Variants in ZSWIM6 observed in about 807,000 individuals in gnomAD.
ZSWIM6 encodes zinc finger SWIM domain-containing protein 6.
In ZSWIM6, 9 loss-of-function variants were observed where a neutral mutation model predicts 113.2. The observed-to-expected ratio is 0.08, with a 90% CI of 0.05 to 0.14. ZSWIM6 has a LOEUF of 0.14. Among genes scored for constraint, ZSWIM6 ranks in the 10% least tolerant of loss-of-function variants. The pLI is 1.00. For missense variants in ZSWIM6, 1,162 were observed against 1,552.2 expected (o/e 0.75, Z 4.22); for synonymous variants, 611 against 606.5 (o/e 1.01, Z -0.11).
intron 1 of ZSWIM6, among the ~76,000 whole-genome samples, chr5:61,462,280 A>G (rs769633391): frequency 6.6e-5 from 10 of 152,240 alleles, no homozygotes; most frequent in Non-Finnish European, 1.5e-4. Context: ...ATAATTTTAT[A>G]TACCTCACAT....
chr5:61,435,906 A>G (rs1398746059), intron 1 of ZSWIM6, among the ~76,000 whole-genome samples: 1 of 152,174 alleles, frequency 6.6e-6, no homozygotes, highest in East Asian at 1.9e-4. Flanking sequence ...ATAATTTTAA[A>G]ATTTTAGTCA....
At chr5:61,378,396 T>C (rs1033578571) in intron 1 of ZSWIM6, among the ~76,000 whole-genome samples, 1 of 152,218 alleles carries the variant, frequency 6.6e-6, no homozygotes. Flanking sequence ...GAACAGTATA[T>C]GTGTTTTGCT....
At chr5:61,447,584 A>C (rs1283244438) in intron 1 of ZSWIM6, among the ~76,000 whole-genome samples, 1 of 152,118 alleles carries the variant, frequency 6.6e-6, no homozygotes, top group Non-Finnish European at 1.5e-5. Context: ...GTGGCCAAAG[A>C]GAGAGACGAA....
intron 1 of ZSWIM6, among the ~76,000 whole-genome samples, chr5:61,380,775 A>T (rs760842119): frequency 6.6e-6 from 1 of 152,116 alleles, no homozygotes; most frequent in Non-Finnish European, 1.5e-5. Flanking sequence ...GAGATTGCTA[A>T]CCCCTGGTTT....
intron 1 of ZSWIM6, among the ~76,000 whole-genome samples, chr5:61,403,388 AT>A (rs1476202069): frequency 6.6e-6 from 1 of 152,230 alleles, no homozygotes; most frequent in East Asian, 1.9e-4. Context: ...ATGGCCTAAG[AT>A]TTCTAAACCA....
chr5:61,335,613 T>C lies in ZSWIM6; in HGVS notation c.676+2665T>C, dbSNP rs185719026. ...TTTCTTAAAATGGAAAAGAACAGAATACTTTGTTGATAGCACCATAAAGCA... is the reference window on the plus strand; with the variant it reads ...TTTCTTAAAATGGAAAAGAACAGAACACTTTGTTGATAGCACCATAAAGCA... On this transcript the variant is annotated intron_variant, in intron 1 of 13. Coordinates refer to ENST00000252744, the MANE Select transcript of ZSWIM6 (RefSeq NM_020928.2). Among the ~76,000 whole-genome samples, 157 of 152,404 alleles carry C rather than the reference T, an allele frequency of 1.0e-3. 1 individual carries two copies. The highest frequency in any genetic ancestry group is 3.6e-3 in the African/African-American group (148 of 41,602).
chr5:61,473,488 G>C (rs988032846), intron 2 of ZSWIM6, among the ~76,000 whole-genome samples: 1 of 152,134 alleles, frequency 6.6e-6, no homozygotes, highest in African/African-American at 2.4e-5. Context: ...TGTTTAGAGA[G>C]AATTTAGAAT....
intron 1 of ZSWIM6, among the ~76,000 whole-genome samples, chr5:61,433,414 TGTA>T (rs1247532487): frequency 6.6e-6 from 1 of 151,986 alleles, no homozygotes; most frequent in Non-Finnish European, 1.5e-5. Flanking sequence ...ACTTTGGATC[TGTA>T]GTATATAATA....
intron 1 of ZSWIM6, among the ~76,000 whole-genome samples, chr5:61,430,736 A>T (rs557566398): frequency 1.3e-5 from 2 of 152,342 alleles, no homozygotes; most frequent in South Asian, 4.1e-4. Context: ...TCTGTAAAAC[A>T]TAGCTATTAT....
chr5:61,413,757 A>G (rs1275517268), intron 1 of ZSWIM6, among the ~76,000 whole-genome samples: 1 of 151,980 alleles, frequency 6.6e-6, no homozygotes, highest in Non-Finnish European at 1.5e-5. Context: ...TTTGATTTGC[A>G]TTTCTCTGAT....
intron 1 of ZSWIM6, among the ~76,000 whole-genome samples, chr5:61,422,774 A>T (rs1389326436): frequency 1.3e-5 from 2 of 151,386 alleles, no homozygotes; most frequent in Non-Finnish European, 2.9e-5. Flanking sequence ...CATTCTAGAG[A>T]TCTTTCACTT....
intron 4 of ZSWIM6, among the ~76,000 whole-genome samples, chr5:61,505,706 C>CCCTTCCTTCCTT (rs1227841516): frequency 9.6e-6 from 1 of 103,822 alleles, no homozygotes; most frequent in Admixed American, 9.8e-5. Context: ...CTTCCTTCCT[C>CCCTTCCTTCCTT]CCTTCCTTCC....
At chr5:61,449,827 G>T (rs977309900) in intron 1 of ZSWIM6, among the ~76,000 whole-genome samples, 1 of 152,142 alleles carries the variant, frequency 6.6e-6, no homozygotes, top group Non-Finnish European at 1.5e-5. Flanking sequence ...AGAAGCAAAT[G>T]GGAAGGCACT....
chr5:61,415,020 G>C (rs906776000), intron 1 of ZSWIM6, among the ~76,000 whole-genome samples: 1 of 152,156 alleles, frequency 6.6e-6, no homozygotes, highest in Non-Finnish European at 1.5e-5. Flanking sequence ...ATTGCGGGGA[G>C]GTTAGTACTT....
rs185441750 is a variant in ZSWIM6 at position 61,393,609 on chromosome 5, A to C, written c.676+60661A>C. On this transcript the variant is annotated intron_variant, in intron 1 of 13. Transcript: ENST00000252744. ...ACTTTTAGGCCGGGCGTGGTGGCGC[A>C]TGTCTGTAATCCCAGCTGCTCAGGA... Among the ~76,000 whole-genome samples the C allele has an allele frequency of 5.9e-5, 9 of 152,036 alleles. No homozygotes were observed. The East Asian group carries it at 1.7e-3, about 29-fold the overall frequency.
intron 1 of ZSWIM6, among the ~76,000 whole-genome samples, chr5:61,379,354 T>G (rs767881617): frequency 1.4e-5 from 2 of 146,314 alleles, no homozygotes; most frequent in Non-Finnish European, 3.0e-5. Flanking sequence ...GGAAGCAATT[T>G]TTTTGATTTG....
intron 4 of ZSWIM6, among the ~76,000 whole-genome samples, chr5:61,497,011 A>AT (rs1247466871): frequency 6.6e-6 from 1 of 152,080 alleles, no homozygotes; most frequent in Admixed American, 6.6e-5. Context: ...TGACAGCTTA[A>AT]TAAAGCTGAA....
At position 61,453,682 on chromosome 5, in the gene ZSWIM6, A is replaced by C. The variant is rs558947471; in HGVS notation, c.677-18999A>C. On this transcript the variant is annotated intron_variant, in intron 1 of 13. Coordinates refer to ENST00000252744, the MANE Select transcript of ZSWIM6 (RefSeq NM_020928.2). Reference sequence around the variant, plus strand: ...TAAGCCACCACACCCAGCCACTTTTACTCTCTTAGCATTTTTCAAGAATAA... The same window carrying C: ...TAAGCCACCACACCCAGCCACTTTTCCTCTCTTAGCATTTTTCAAGAATAA... 4.0e-5 allele frequency among the ~76,000 whole-genome samples: 6 copies of C among 149,636 alleles called. No homozygotes were observed. In the South Asian group the frequency reaches 1.3e-3, roughly 32 times the overall value.
At chr5:61,413,610 A>G (rs1255422975) in intron 1 of ZSWIM6, among the ~76,000 whole-genome samples, 1 of 152,094 alleles carries the variant, frequency 6.6e-6, no homozygotes, top group Non-Finnish European at 1.5e-5. Flanking sequence ...TGACTTCCAC[A>G]ATGGTTGAAC....
Sources: gnomAD v4.1 joint callset for allele counts (sites outside exome capture counted in the v4.1 genomes callset) on GRCh38, gnomAD v4.1.1 for gene constraint, MANE v1.5 for transcripts, NCBI Gene and HGNC (gene_info 2026-07-23, HGNC 2026-07-21) for gene names.